The following MAPK10 variants were observed in gnomAD, a reference collection of about 807,000 sequenced individuals.
MAPK10 encodes the protein JNK3 alpha protein kinase.
A neutral mutation model predicts 59.3 loss-of-function variants in MAPK10; 25 were observed. That is an observed-to-expected ratio of 0.42 (90% CI 0.31 to 0.59). MAPK10 has a LOEUF of 0.59. MAPK10 is among the 20% of genes least tolerant of loss of function. The probability of loss-of-function intolerance (pLI) is 0.15; values close to 1 mark genes in which losing one functional copy is unlikely to be tolerated. For missense variants in MAPK10, 351 were observed against 568.9 expected, an observed-to-expected ratio of 0.62 and a Z score of 3.90; for synonymous variants, 190 against 200.5, an observed-to-expected ratio of 0.95 and a Z score of 0.44.
intron 3 of MAPK10, among the ~76,000 whole-genome samples, chr4:86,173,510 C>T (rs2074914538): frequency 1.3e-5 from 2 of 151,838 alleles, no homozygotes; most frequent in Non-Finnish European, 2.9e-5. Context: ...AATGTAAAAC[C>T]CAAAACCTTA....
intron 4 of MAPK10, chr4:86,123,954 A>C (rs1480601379): frequency 6.6e-6 from 1 of 152,060 alleles, no homozygotes; most frequent in Non-Finnish European, 1.5e-5. Context: ...TAAAATTAAT[A>C]TATTTCAATA....
chr4:86,261,675 G>A (rs2093987195), intron 2 of MAPK10, among the ~76,000 whole-genome samples: 1 of 152,174 alleles, frequency 6.6e-6, no homozygotes, highest in Non-Finnish European at 1.5e-5. Flanking sequence ...ATACCTGATA[G>A]GGATACTATA....
chr4:86,104,913 G>T (rs902433354), intron 5 of MAPK10, among the ~76,000 whole-genome samples: 1 of 151,782 alleles, frequency 6.6e-6, no homozygotes, highest in South Asian at 2.1e-4. Flanking sequence ...TTTTAAAAAG[G>T]CATCTGTAGA....
At chr4:86,372,449 G>A (rs1464272911) in intron 1 of MAPK10, among the ~76,000 whole-genome samples, 4 of 151,302 alleles carry the variant, frequency 2.6e-5, no homozygotes, top group East Asian at 3.9e-4. Flanking sequence ...CCCAGGAGGC[G>A]GAGGTTGCAG....
chr4:86,041,500 G>T (rs1278605417), intron 11 of MAPK10, among the ~76,000 whole-genome samples: 1 of 152,110 alleles, frequency 6.6e-6, no homozygotes, highest in Admixed American at 6.5e-5. Flanking sequence ...TTAAACTAAA[G>T]AGCTTCTGCA....
chr4:86,408,427 C>A (rs1744665472), intron 1 of MAPK10, among the ~76,000 whole-genome samples: 1 of 152,032 alleles, frequency 6.6e-6, no homozygotes, highest in Non-Finnish European at 1.5e-5. Flanking sequence ...GTCATGAGAT[C>A]ACTGGGTCAA....
intron 1 of MAPK10, among the ~76,000 whole-genome samples, chr4:86,518,631 G>GTTT (rs781104591): frequency 1.5e-5 from 2 of 135,902 alleles, no homozygotes; most frequent in Non-Finnish European, 3.2e-5. Context: ...TCTGATCTTT[G>GTTT]TTTTTTTTTT....
At chr4:86,518,804 T>C (rs1469503034) in intron 1 of MAPK10, among the ~76,000 whole-genome samples, 1 of 152,202 alleles carries the variant, frequency 6.6e-6, no homozygotes, top group Non-Finnish European at 1.5e-5. Flanking sequence ...GAGGTTTTGA[T>C]AGGCTGTGTC....
chr4:86,084,693 C>T (rs2051385758), intron 9 of MAPK10, among the ~76,000 whole-genome samples: 1 of 144,628 alleles, frequency 6.9e-6, no homozygotes, highest in African/African-American at 2.9e-5. Context: ...TCTACAGATT[C>T]AATGCAGTCC....
At chr4:86,098,220 T>C (rs1016681981) in intron 9 of MAPK10, among the ~76,000 whole-genome samples, 1 of 152,110 alleles carries the variant, frequency 6.6e-6, no homozygotes, top group African/African-American at 2.4e-5. Flanking sequence ...TAAAGGTAAA[T>C]ATATTTTAAT....
At chr4:86,391,981 C>T (rs573454448) in intron 1 of MAPK10, among the ~76,000 whole-genome samples, 2 of 152,274 alleles carry the variant, frequency 1.3e-5, no homozygotes, top group African/African-American at 4.8e-5. Context: ...GAGTATTAGA[C>T]CTATAAGTCA....
chr4:86,383,552 G>A (rs1405984812), intron 1 of MAPK10, among the ~76,000 whole-genome samples: 3 of 152,050 alleles, frequency 2.0e-5, no homozygotes, highest in Non-Finnish European at 4.4e-5. Flanking sequence ...TTAATTTTAT[G>A]TAGAATATGA....
At chr4:86,340,387 C>A in intron 2 of MAPK10, 1 of 153,184 alleles carries the variant, frequency 6.5e-6, no homozygotes, top group South Asian at 2.0e-4. Flanking sequence ...CAGGAAACTT[C>A]CAGTCATGGC....
intron 2 of MAPK10, among the ~76,000 whole-genome samples, chr4:86,329,745 C>T (rs575845813): frequency 1.3e-5 from 2 of 152,242 alleles, no homozygotes; most frequent in African/African-American, 4.8e-5. Flanking sequence ...CTCTAGTCTC[C>T]ACCGATAACC....
chr4:86,187,752 C>A (rs1368632157), intron 3 of MAPK10, among the ~76,000 whole-genome samples: 1 of 152,210 alleles, frequency 6.6e-6, no homozygotes, highest in South Asian at 2.1e-4. Flanking sequence ...CACCTATTCA[C>A]TTCCATTTCC....
intron 1 of MAPK10, among the ~76,000 whole-genome samples, chr4:86,355,225 A>G (rs1733788624): frequency 6.6e-6 from 1 of 152,154 alleles, no homozygotes; most frequent in Non-Finnish European, 1.5e-5. Context: ...AGTCTGCAAC[A>G]TTCTACCCAA....
chr4:86,509,136 A>G (rs1302347027), intron 1 of MAPK10, among the ~76,000 whole-genome samples: 1 of 152,082 alleles, frequency 6.6e-6, no homozygotes, highest in Non-Finnish European at 1.5e-5. Flanking sequence ...CTTTTTTTAG[A>G]GCATTTTAAC....
chr4:86,328,675 C>T lies in MAPK10; in HGVS notation c.-7+25855G>A, dbSNP rs555159250. On this transcript the variant is annotated intron_variant, in intron 2 of 13. Transcript: ENST00000641462. The stretch of plus-strand genomic sequence containing the variant: ...ACCGTAGAATACTATGCAGCCATAA[C>T]AAAGGATGAGTTCATGTTCTTTGCA... Among the ~76,000 whole-genome samples the T allele has an allele frequency of 2.6e-5, 4 of 152,204 alleles. No homozygotes were observed. The East Asian group carries it at 7.7e-4, about 29-fold the overall frequency.
At chr4:86,172,351 T>C (rs368148751) in intron 3 of MAPK10, among the ~76,000 whole-genome samples, 1 of 147,446 alleles carries the variant, frequency 6.8e-6, no homozygotes, top group Non-Finnish European at 1.5e-5. Flanking sequence ...TAGACTGGAT[T>C]AAGAAAATGT....
Sources: allele counts gnomAD v4.1 joint callset (sites outside exome capture counted in the v4.1 genomes callset), GRCh38; gene constraint gnomAD v4.1.1; transcripts MANE v1.5; gene names NCBI Gene and HGNC (gene_info 2026-07-23, HGNC 2026-07-21).